Variants in RBM47 observed in about 807,000 individuals in gnomAD.
RBM47 encodes RNA binding motif protein 47, also known as RNA-binding protein 47.
RBM47 carries 21 observed loss-of-function variants against 47.1 expected under a neutral mutation model. The ratio of observed to expected loss-of-function variants is 0.45; its 90% confidence interval spans 0.32 to 0.64. The LOEUF (loss-of-function observed/expected upper bound fraction) is 0.64, where lower values mean the gene tolerates loss of function less well. Ranked by LOEUF, RBM47 falls within the 30% of genes least tolerant of loss-of-function variation. The pLI is 0.05. For synonymous variants in RBM47, 375 were observed against 361.7 expected, an observed-to-expected ratio of 1.04 and a Z score of -0.42; for missense variants, 708 against 870.9, an observed-to-expected ratio of 0.81 and a Z score of 2.35.
At chr4:40,459,129 ATT>A (rs1273339131) in intron 3 of RBM47, among the ~76,000 whole-genome samples, 1 of 152,218 alleles carries the variant, frequency 6.6e-6, no homozygotes, top group African/African-American at 2.4e-5. Flanking sequence ...TTCTTTATGC[ATT>A]GTTTGAAATG....
rs561031168 is a variant in RBM47 at position 40,538,936 on chromosome 4, T to C, written c.-155+5486A>G. 3.3e-5 allele frequency among the ~76,000 whole-genome samples: 5 copies of C among 152,184 alleles called. No individual in the cohort carries two copies. In the South Asian group the frequency reaches 6.2e-4, roughly 19 times the overall value. On this transcript the variant is annotated intron_variant, in intron 2 of 6. Coordinates refer to ENST00000295971, the MANE Select transcript of RBM47 (RefSeq NM_001098634.2). The stretch of plus-strand genomic sequence containing the variant: ...AGATGTGAGCCACTGTGCCCAGCCA[T>C]GTTTCTTATTAACTAAATGTTTAAA...
At chr4:40,474,886 G>C (rs1485064313) in intron 2 of RBM47, among the ~76,000 whole-genome samples, 1 of 152,202 alleles carries the variant, frequency 6.6e-6, no homozygotes, top group Non-Finnish European at 1.5e-5. Context: ...AATGAGAAGG[G>C]AGAAGGGTTA....
In RBM47 at chr4:40,466,774, G is replaced by C. The variant is rs566396690; in HGVS notation, c.-154-75C>G. On this transcript the variant is annotated intron_variant, in intron 2 of 6. Transcript: ENST00000295971. ...TTTTCATATGTGCATTAGAAATTGG[G>C]GGGGGGGGGGCAGATCCTCTTGCGT... The C allele has an allele frequency of 7.3e-5, 7 of 96,216 alleles. No homozygotes were observed. In the East Asian group the frequency reaches 1.9e-3, roughly 27 times the overall value. 6.0% of individuals were successfully genotyped at this position (96,216 alleles called of 1,614,324 possible).
At chr4:40,452,542 G>T (rs1334111584) in intron 3 of RBM47, among the ~76,000 whole-genome samples, 1 of 152,096 alleles carries the variant, frequency 6.6e-6, no homozygotes, top group Non-Finnish European at 1.5e-5. Flanking sequence ...GTGTTTATAA[G>T]GGGACAAGAG....
chr4:40,425,958 G>A lies in RBM47; in HGVS notation c.1728C>T (p.Ala576=). Residue 576 remains alanine, a synonymous_variant, in exon 7 of 7, where the codon GCC becomes GCT. Transcript: ENST00000295971. ...YGGYAGYIPQ[A]FPAAAIQVPI... is the part of the protein sequence containing the mutation. Reference sequence around the variant, plus strand: ...GGACCTGAATGGCAGCAGCAGGGAAGGCCTGAGGTATGTAGCCTGCGTATC... The same window carrying A: ...GGACCTGAATGGCAGCAGCAGGGAAAGCCTGAGGTATGTAGCCTGCGTATC... 2 of 1,614,222 alleles carry A rather than the reference G, an allele frequency of 1.2e-6. No individual in the cohort carries two copies. Among genetic ancestry groups the A allele is most frequent in the Non-Finnish European group, 1.7e-6 (2 of 1,180,038 alleles).
intron 2 of RBM47, among the ~76,000 whole-genome samples, chr4:40,525,531 T>C (rs902266926): frequency 3.9e-5 from 6 of 152,180 alleles, no homozygotes; most frequent in African/African-American, 1.2e-4. Flanking sequence ...ATCTGGATTT[T>C]TATTAAGGTG....
intron 2 of RBM47, among the ~76,000 whole-genome samples, chr4:40,493,645 G>A (rs1012704772): frequency 6.6e-5 from 10 of 151,976 alleles, no homozygotes; most frequent in Non-Finnish European, 7.4e-5. Flanking sequence ...TTAGCCAGGC[G>A]TGGTGGTGGG....
At chr4:40,458,476 G>A (rs1434932117) in intron 3 of RBM47, among the ~76,000 whole-genome samples, 11 of 152,134 alleles carry the variant, frequency 7.2e-5, no homozygotes, top group Admixed American at 6.5e-5. Flanking sequence ...TCTCAACATT[G>A]AAAAAGTCAT....
intron 2 of RBM47, among the ~76,000 whole-genome samples, chr4:40,534,558 A>G (rs1727732575): frequency 6.6e-6 from 1 of 152,168 alleles, no homozygotes; most frequent in Admixed American, 6.6e-5. Context: ...TGAGTTAGCG[A>G]ACTCCTGGGG....
intron 3 of RBM47, among the ~76,000 whole-genome samples, chr4:40,464,217 A>G (rs912547394): frequency 3.3e-5 from 5 of 152,242 alleles, no homozygotes; most frequent in Non-Finnish European, 7.3e-5. Flanking sequence ...GTTCTCAGCT[A>G]TTTTAACTTT....
intron 1 of RBM47, among the ~76,000 whole-genome samples, chr4:40,562,416 C>T (rs755891950): frequency 4.7e-5 from 7 of 150,456 alleles, no homozygotes; most frequent in African/African-American, 7.3e-5. Context: ...ACTAAGGAGG[C>T]GGGTGTCATT....
At chr4:40,549,837 C>T (rs185897056) in intron 1 of RBM47, among the ~76,000 whole-genome samples, 87 of 152,214 alleles carry the variant, frequency 5.7e-4, no homozygotes, top group South Asian at 1.9e-3. Flanking sequence ...TGTGCCACCA[C>T]GCCTGGCTAA....
intron 2 of RBM47, among the ~76,000 whole-genome samples, chr4:40,486,069 C>CAAAAAAAAAAAAAAAA (rs201408070): frequency 6.4e-5 from 4 of 62,816 alleles, no homozygotes; most frequent in African/African-American, 1.5e-4. Flanking sequence ...AACCCTGTTT[C>CAAAAAAAAAAAAAAAA]AAAAAAAAAA....
At chr4:40,483,597 G>A (rs1229444981) in intron 2 of RBM47, among the ~76,000 whole-genome samples, 2 of 152,230 alleles carry the variant, frequency 1.3e-5, no homozygotes, top group African/African-American at 4.8e-5. Flanking sequence ...TCGGGAAGCT[G>A]AGACAGGAGA....
intron 2 of RBM47, among the ~76,000 whole-genome samples, chr4:40,516,126 C>T (rs1421799759): frequency 2.0e-5 from 3 of 152,032 alleles, no homozygotes; most frequent in African/African-American, 4.8e-5. Context: ...TGAGCTGACC[C>T]GCCTCCTAAC....
chr4:40,536,138 G>A (rs1017984552), intron 2 of RBM47, among the ~76,000 whole-genome samples: 5 of 152,184 alleles, frequency 3.3e-5, no homozygotes, highest in African/African-American at 1.2e-4. Context: ...AAAGCAATGC[G>A]GCTGTTCTAC....
intron 2 of RBM47, among the ~76,000 whole-genome samples, chr4:40,536,032 C>A (rs1370705504): frequency 6.6e-6 from 1 of 152,220 alleles, no homozygotes; most frequent in Non-Finnish European, 1.5e-5. Context: ...CCACTTCATT[C>A]TTTGCTTGAG....
chr4:40,562,765 C>T (rs1036489848), intron 1 of RBM47, among the ~76,000 whole-genome samples: 8 of 152,128 alleles, frequency 5.3e-5, no homozygotes, highest in African/African-American at 9.7e-5. Context: ...CGTGCCCAGC[C>T]GAAATATTTC....
At chr4:40,426,412 C>T (rs1231458981) in intron 6 of RBM47, among the ~76,000 whole-genome samples, 2 of 152,208 alleles carry the variant, frequency 1.3e-5, no homozygotes, top group Non-Finnish European at 2.9e-5. Flanking sequence ...AATACAGTTG[C>T]CCCTCAGTAT....
Sources: gnomAD v4.1 joint callset for allele counts (sites outside exome capture counted in the v4.1 genomes callset) on GRCh38, gnomAD v4.1.1 for gene constraint, MANE v1.5 for transcripts, NCBI Gene and HGNC (gene_info 2026-07-23, HGNC 2026-07-21) for gene names.